Variants in CNTNAP2 observed in about 807,000 individuals in gnomAD.
The protein encoded by CNTNAP2 is contactin associated protein 2.
In CNTNAP2, 98 loss-of-function variants were observed where a neutral mutation model predicts 155.2. The ratio of observed to expected loss-of-function variants is 0.63; its 90% confidence interval spans 0.54 to 0.75. The LOEUF (loss-of-function observed/expected upper bound fraction) is 0.75. Among genes scored for constraint, CNTNAP2 ranks in the 30% least tolerant of loss-of-function variants. CNTNAP2 has a pLI of 0.00. For missense variants in CNTNAP2, 1,727 were observed against 1,688.1 expected, an observed-to-expected ratio of 1.02 and a Z score of -0.40; for synonymous variants, 651 against 631.2, an observed-to-expected ratio of 1.03 and a Z score of -0.47.
intron 1 of CNTNAP2, among the ~76,000 whole-genome samples, chr7:146,293,624 C>T (rs911970000): frequency 1.3e-5 from 2 of 152,106 alleles, no homozygotes; most frequent in Non-Finnish European, 2.9e-5. Context: ...GAGTCTATCC[C>T]ATTCATCTCC....
intron 3 of CNTNAP2, among the ~76,000 whole-genome samples, chr7:147,022,750 A>G (rs777051859): frequency 1.3e-5 from 2 of 152,118 alleles, no homozygotes; most frequent in Non-Finnish European, 2.9e-5. Context: ...TTTTATCCCA[A>G]TTCGAATATC....
At chr7:146,826,694 C>T (rs1803407002) in intron 2 of CNTNAP2, among the ~76,000 whole-genome samples, 1 of 152,076 alleles carries the variant, frequency 6.6e-6, no homozygotes, top group Admixed American at 6.6e-5. Context: ...ATTCCACACT[C>T]CTTTCCTAGT....
chr7:146,359,533 A>G (rs1795051557), intron 1 of CNTNAP2, among the ~76,000 whole-genome samples: 1 of 152,250 alleles, frequency 6.6e-6, no homozygotes, highest in Admixed American at 6.5e-5. Flanking sequence ...ACAGATTGCC[A>G]TGGCTGATTG....
chr7:147,548,305 G>A (rs775601531), intron 11 of CNTNAP2, among the ~76,000 whole-genome samples: 3 of 152,168 alleles, frequency 2.0e-5, no homozygotes, highest in African/African-American at 7.2e-5. Flanking sequence ...ATTCTGACTG[G>A]TGTGAGATGG....
At chr7:147,546,478 G>A (rs1270731239) in intron 11 of CNTNAP2, among the ~76,000 whole-genome samples, 1 of 152,062 alleles carries the variant, frequency 6.6e-6, no homozygotes, top group African/African-American at 2.4e-5. Context: ...ACAATCTTCT[G>A]GAAAAGTGAA....
intron 13 of CNTNAP2, among the ~76,000 whole-genome samples, chr7:147,754,208 A>G (rs772808285): frequency 2.1e-4 from 32 of 152,242 alleles, no homozygotes; most frequent in Non-Finnish European, 3.8e-4. Flanking sequence ...TCATTTCATA[A>G]TAACACTCAA....
chr7:146,660,698 A>AT (rs962621651), intron 1 of CNTNAP2, among the ~76,000 whole-genome samples: 31 of 152,218 alleles, frequency 2.0e-4, no homozygotes, highest in African/African-American at 5.8e-4. Context: ...TATTAAACTG[A>AT]TTTTTTTCTC....
intron 1 of CNTNAP2, among the ~76,000 whole-genome samples, chr7:146,138,980 T>A (rs1797837808): frequency 6.6e-6 from 1 of 152,106 alleles, no homozygotes; most frequent in Non-Finnish European, 1.5e-5. Flanking sequence ...AAGTCGAAAA[T>A]GCATTGAATA....
At chr7:146,898,677 C>G (rs570365011) in intron 3 of CNTNAP2, among the ~76,000 whole-genome samples, 95 of 152,126 alleles carry the variant, frequency 6.2e-4, no homozygotes, top group African/African-American at 2.2e-3. Flanking sequence ...GGTACCTAAT[C>G]TCCAAAGATG....
intron 13 of CNTNAP2, among the ~76,000 whole-genome samples, chr7:147,838,739 A>C (rs1798671892): frequency 6.6e-6 from 1 of 152,164 alleles, no homozygotes; most frequent in Admixed American, 6.5e-5. Flanking sequence ...CCATTCAGCA[A>C]GTCTCTAGGG....
chr7:148,254,645 G>A (rs191029023), intron 20 of CNTNAP2, among the ~76,000 whole-genome samples: 43 of 151,856 alleles, frequency 2.8e-4, no homozygotes, highest in South Asian at 4.2e-4. Context: ...GCTTGGTGGC[G>A]GGCACCTGTA....
At chr7:146,647,198 C>G (rs1799827427) in intron 1 of CNTNAP2, among the ~76,000 whole-genome samples, 3 of 152,146 alleles carry the variant, frequency 2.0e-5, no homozygotes. Context: ...GCATCTCAGT[C>G]CAAATTGGCT....
At chr7:147,922,200 A>G (rs1800294705) in intron 14 of CNTNAP2, among the ~76,000 whole-genome samples, 3 of 152,220 alleles carry the variant, frequency 2.0e-5, no homozygotes, top group Non-Finnish European at 4.4e-5. Context: ...TAAATCAAGA[A>G]ATTCATTTAG....
intron 18 of CNTNAP2, among the ~76,000 whole-genome samples, chr7:148,186,591 A>T (rs566486950): frequency 1.3e-5 from 2 of 152,292 alleles, no homozygotes; most frequent in Admixed American, 1.3e-4. Context: ...ATCCTGAACC[A>T]TCATCTCTAT....
intron 1 of CNTNAP2, among the ~76,000 whole-genome samples, chr7:146,246,735 TG>T (rs1158906166): frequency 6.6e-6 from 1 of 152,104 alleles, no homozygotes; most frequent in African/African-American, 2.4e-5. Context: ...CCAGGTGAGT[TG>T]GACAGTCCGA....
intron 3 of CNTNAP2, among the ~76,000 whole-genome samples, chr7:146,870,382 G>A (rs1272428898): frequency 6.6e-6 from 1 of 152,226 alleles, no homozygotes. Context: ...AGTGATCCCA[G>A]TAGTTTCTGA....
chr7:147,155,850 T>C (rs1395909325), intron 8 of CNTNAP2, among the ~76,000 whole-genome samples: 1 of 151,864 alleles, frequency 6.6e-6, no homozygotes, highest in African/African-American at 2.4e-5. Flanking sequence ...CCCTAAGAAA[T>C]TGGAAGAGGG....
intron 8 of CNTNAP2, among the ~76,000 whole-genome samples, chr7:147,242,279 A>G (rs1803954863): frequency 6.6e-6 from 1 of 152,198 alleles, no homozygotes; most frequent in African/African-American, 2.4e-5. Context: ...GAAATACTCA[A>G]ATTTTTAATA....
At chr7:146,453,264 C>A (rs1218179167) in intron 1 of CNTNAP2, among the ~76,000 whole-genome samples, 7 of 152,188 alleles carry the variant, frequency 4.6e-5, no homozygotes. Flanking sequence ...CTGAAGCTCG[C>A]ATAGAGCTCA....
Sources: allele counts gnomAD v4.1 joint callset (sites outside exome capture counted in the v4.1 genomes callset), GRCh38; gene constraint gnomAD v4.1.1; transcripts MANE v1.5; gene names NCBI Gene and HGNC (gene_info 2026-07-23, HGNC 2026-07-21).